LPAR1: variants seen among roughly 807,000 people sequenced by gnomAD.
LPAR1 encodes LPA receptor 1.
LPAR1 carries 5 observed loss-of-function variants against 23.8 expected under a neutral mutation model. The ratio of observed to expected loss-of-function variants is 0.21; its 90% CI spans 0.11 to 0.44. The LOEUF is 0.44. Among genes scored for constraint, LPAR1 ranks in the 20% least tolerant of loss-of-function variants. The pLI, the probability that LPAR1 is intolerant of heterozygous loss-of-function variation, is 0.99. For synonymous variants in LPAR1, 160 were observed against 164.7 expected, an observed-to-expected ratio of 0.97 and a Z score of 0.22; for missense variants, 311 against 482.8, an observed-to-expected ratio of 0.64 and a Z score of 3.33.
chr9:110,910,787 A>C (rs2092325086), intron 5 of LPAR1, among the ~76,000 whole-genome samples: 1 of 152,232 alleles, frequency 6.6e-6, no homozygotes, highest in Non-Finnish European at 1.5e-5. Flanking sequence ...TCAGTGGAGG[A>C]AGTTGCTGCA....
intron 5 of LPAR1, chr9:110,903,437 C>A (rs534274072): frequency 6.6e-6 from 1 of 151,802 alleles, no homozygotes; most frequent in Non-Finnish European, 1.5e-5. Context: ...TGACGCATTC[C>A]GTATTTTTTG....
chr9:111,002,665 A>G (rs2097149361), intron 2 of LPAR1, among the ~76,000 whole-genome samples: 1 of 152,232 alleles, frequency 6.6e-6, no homozygotes, highest in East Asian at 1.9e-4. Flanking sequence ...GTATTCTCTT[A>G]TTCCTAATCG....
At chr9:110,926,920 T>C (rs1202499935) in intron 5 of LPAR1, among the ~76,000 whole-genome samples, 2 of 152,196 alleles carry the variant, frequency 1.3e-5, no homozygotes, top group Non-Finnish European at 2.9e-5. Context: ...ACGGTCATTG[T>C]TGAAGGTTTG....
intron 5 of LPAR1, among the ~76,000 whole-genome samples, chr9:110,910,605 C>A (rs2092299728): frequency 6.6e-6 from 1 of 152,142 alleles, no homozygotes; most frequent in South Asian, 2.1e-4. Flanking sequence ...ATAGTGATTT[C>A]TCTGATGGAT....
intron 2 of LPAR1, among the ~76,000 whole-genome samples, chr9:110,975,242 G>A (rs1188981471): frequency 6.6e-6 from 1 of 152,130 alleles, no homozygotes; most frequent in Non-Finnish European, 1.5e-5. Context: ...GAGGCACCTA[G>A]CTTAGAGTAA....
At chr9:110,987,970 A>C (rs2096822837) in intron 2 of LPAR1, among the ~76,000 whole-genome samples, 1 of 152,046 alleles carries the variant, frequency 6.6e-6, no homozygotes, top group Non-Finnish European at 1.5e-5. Flanking sequence ...AAAATCTTTA[A>C]AGTTACTGGA....
At chr9:110,954,141 A>C (rs1283023913) in intron 4 of LPAR1, among the ~76,000 whole-genome samples, 1 of 152,200 alleles carries the variant, frequency 6.6e-6, no homozygotes, top group African/African-American at 2.4e-5. Flanking sequence ...AAATCTTGGT[A>C]CTAAAGAATT....
At chr9:111,029,016 C>T (rs1588943094) in intron 2 of LPAR1, among the ~76,000 whole-genome samples, 1 of 152,294 alleles carries the variant, frequency 6.6e-6, no homozygotes, top group East Asian at 1.9e-4. Context: ...CCCAGGACCA[C>T]CTATCAAGAG....
chr9:111,027,031 G>T (rs1420157484), intron 2 of LPAR1, among the ~76,000 whole-genome samples: 2 of 152,096 alleles, frequency 1.3e-5, no homozygotes, highest in Non-Finnish European at 2.9e-5. Context: ...TCAGGATGAT[G>T]CTGGCCTCAT....
intron 2 of LPAR1, among the ~76,000 whole-genome samples, chr9:111,011,784 T>C (rs2097336254): frequency 6.6e-6 from 1 of 152,284 alleles, no homozygotes; most frequent in Admixed American, 6.5e-5. Flanking sequence ...ATGAGGTGTT[T>C]AGAGAGCACA....
intron 2 of LPAR1, among the ~76,000 whole-genome samples, chr9:111,000,606 C>A (rs1267054277): frequency 6.6e-6 from 1 of 152,176 alleles, no homozygotes; most frequent in Non-Finnish European, 1.5e-5. Flanking sequence ...GCTGTGCTAG[C>A]CCAAAAGAAT....
intron 5 of LPAR1, among the ~76,000 whole-genome samples, chr9:110,926,736 T>C (rs2094066886): frequency 6.6e-6 from 1 of 152,174 alleles, no homozygotes; most frequent in South Asian, 2.1e-4. Context: ...CCTTTTCCCT[T>C]CTGATCCTCT....
intron 2 of LPAR1, among the ~76,000 whole-genome samples, chr9:111,031,410 A>G (rs560615851): frequency 1.3e-5 from 2 of 151,254 alleles, no homozygotes; most frequent in Non-Finnish European, 1.5e-5. Flanking sequence ...AAAAAAAGAA[A>G]AAAAAAAAGA....
intron 5 of LPAR1, among the ~76,000 whole-genome samples, chr9:110,887,008 C>G (rs2082591825): frequency 6.6e-6 from 1 of 152,072 alleles, no homozygotes; most frequent in Non-Finnish European, 1.5e-5. Context: ...TCAACATTAA[C>G]AGGAAGTTTA....
At chr9:111,032,474 C>T (rs965910846) in intron 2 of LPAR1, among the ~76,000 whole-genome samples, 16 of 152,160 alleles carry the variant, frequency 1.1e-4, no homozygotes, top group African/African-American at 3.9e-4. Flanking sequence ...CTTATTCACA[C>T]TCACCCCTAG....
At chr9:110,964,189 C>G (rs2096110249) in intron 4 of LPAR1, among the ~76,000 whole-genome samples, 1 of 152,106 alleles carries the variant, frequency 6.6e-6, no homozygotes, top group South Asian at 2.1e-4. Flanking sequence ...TCTGTTTTCT[C>G]ACTTAGAAAA....
chr9:110,879,171 C>T (rs1433757295), intron 5 of LPAR1, among the ~76,000 whole-genome samples: 1 of 152,076 alleles, frequency 6.6e-6, no homozygotes, highest in Non-Finnish European at 1.5e-5. Flanking sequence ...AATCCTAGCA[C>T]TTTGGGAGGC....
intron 5 of LPAR1, among the ~76,000 whole-genome samples, chr9:110,930,839 C>T (rs1041866702): frequency 6.6e-6 from 1 of 151,936 alleles, no homozygotes; most frequent in Non-Finnish European, 1.5e-5. Context: ...TTCTTGAACC[C>T]GGGAGGCAGA....
At chr9:110,889,102 C>T (rs2083279077) in intron 5 of LPAR1, among the ~76,000 whole-genome samples, 1 of 152,186 alleles carries the variant, frequency 6.6e-6, no homozygotes, top group Non-Finnish European at 1.5e-5. Flanking sequence ...TGGCTCTCAC[C>T]TGTAATCCCA....
Sources: gnomAD v4.1 joint callset for allele counts (sites outside exome capture counted in the v4.1 genomes callset) on GRCh38, gnomAD v4.1.1 for gene constraint, MANE v1.5 for transcripts, NCBI Gene and HGNC (gene_info 2026-07-23, HGNC 2026-07-21) for gene names.